Variants in LGR6 observed in about 807,000 individuals in gnomAD.
LGR6 encodes the protein leucine rich repeat containing G protein-coupled receptor 6, also known as leucine-rich repeat-containing G protein-coupled receptor 6.
A neutral mutation model predicts 69.4 loss-of-function variants in LGR6; 45 were observed. The ratio of observed to expected loss-of-function variants is 0.65; its 90% CI spans 0.51 to 0.83. The LOEUF (loss-of-function observed/expected upper bound fraction) is 0.83. LGR6 is among the 40% of genes least tolerant of loss of function. LGR6 has a pLI of 0.00. For missense variants in LGR6, 1,108 were observed against 1,246.7 expected (o/e 0.89, Z 1.68); for synonymous variants, 538 against 555.0 (o/e 0.97, Z 0.43).
chr1:202,225,967 C>T (rs1558016443), intron 2 of LGR6, among the ~76,000 whole-genome samples: 1 of 152,178 alleles, frequency 6.6e-6, no homozygotes, highest in Admixed American at 6.5e-5. Context: ...TTACTCTGCA[C>T]ACCTTCAGGA....
intron 6 of LGR6, among the ~76,000 whole-genome samples, chr1:202,288,112 C>G (rs143930770): frequency 6.6e-6 from 1 of 152,178 alleles, no homozygotes; most frequent in African/African-American, 2.4e-5. Context: ...GCACGATGGC[C>G]TCCTTGAATA....
chr1:202,230,245 T>A (rs2147971780), intron 3 of LGR6, among the ~76,000 whole-genome samples: 1 of 152,220 alleles, frequency 6.6e-6, no homozygotes, highest in South Asian at 2.1e-4. Flanking sequence ...CTCTCATGTC[T>A]TTCCCACACC....
At position 202,235,856 on chromosome 1, in the gene LGR6, G is replaced by A. The variant is rs574778783; in HGVS notation, c.357-66G>A. On this transcript the variant is annotated intron_variant, in intron 3 of 17. Coordinates refer to ENST00000367278, the MANE Select transcript of LGR6 (RefSeq NM_001017403.2). ...TTGGGACTGGGGGTTCAAGGGAGGA[G>A]TCAGCACCCTCCAGCCAGCTCTGCA... The A allele has an allele frequency of 5.8e-5, 83 of 1,440,504 alleles. No homozygotes were observed. In the South Asian group the frequency reaches 8.2e-4, roughly 14 times the overall value. The allele number at this position is 1,440,504 out of a possible 1,614,324, so 89.2% of individuals were successfully genotyped here. A position where few individuals can be genotyped will look rare whatever the true frequency, so the allele number is the denominator to read the frequency against.
chr1:202,228,952 G>A (rs2147966657), intron 3 of LGR6, among the ~76,000 whole-genome samples: 1 of 152,282 alleles, frequency 6.6e-6, no homozygotes, highest in Middle Eastern at 3.4e-3. Flanking sequence ...CAGTTGAGCA[G>A]GTTGTTCATT....
At chr1:202,205,113 C>T (rs1325209519) in intron 1 of LGR6, among the ~76,000 whole-genome samples, 1 of 112,254 alleles carries the variant, frequency 8.9e-6, no homozygotes, top group Non-Finnish European at 1.7e-5. Context: ...CAAACAAACA[C>T]ACACCTAACA....
intron 6 of LGR6, among the ~76,000 whole-genome samples, chr1:202,283,033 C>T (rs1666128267): frequency 6.6e-6 from 1 of 152,230 alleles, no homozygotes; most frequent in South Asian, 2.1e-4. Flanking sequence ...CTGTGAGTCT[C>T]CGTTTTCTAA....
intron 1 of LGR6, among the ~76,000 whole-genome samples, chr1:202,221,746 C>T (rs1160359881): frequency 6.6e-6 from 1 of 152,208 alleles, no homozygotes; most frequent in Admixed American, 6.5e-5. Context: ...CCCATGACCC[C>T]CACTTCTTGT....
chr1:202,288,236 T>C (rs1165849675), intron 6 of LGR6, among the ~76,000 whole-genome samples: 1 of 152,230 alleles, frequency 6.6e-6, no homozygotes, highest in Admixed American at 6.5e-5. Context: ...AATGTCACCT[T>C]TTAAGTATCC....
At chr1:202,254,030 C>T (rs1485155857) in intron 4 of LGR6, among the ~76,000 whole-genome samples, 1 of 151,670 alleles carries the variant, frequency 6.6e-6, no homozygotes, top group Non-Finnish European at 1.5e-5. Context: ...TGGTCTCGAT[C>T]TCCTGACCTC....
chr1:202,284,680 C>T (rs1666266180), intron 6 of LGR6, among the ~76,000 whole-genome samples: 1 of 152,156 alleles, frequency 6.6e-6, no homozygotes, highest in South Asian at 2.1e-4. Flanking sequence ...CCATGACGAG[C>T]TAGTCTAGCC....
chr1:202,318,586 C>A lies in LGR6; in HGVS notation c.2283C>A (p.Gly761=). ...AACTGTACTGTGACCTGCCGCGGGGCGACTTTGAGGCCGTGTGGGACTGCG... is the reference window on the plus strand; with the variant it reads ...AACTGTACTGTGACCTGCCGCGGGGAGACTTTGAGGCCGTGTGGGACTGCG... The part of the protein sequence containing the change: ...YIKLYCDLPR[G]DFEAVWDCAM... Residue 761 remains glycine, a synonymous_variant, in exon 18 of 18, where the codon GGC becomes GGA. Coordinates refer to ENST00000367278, the MANE Select transcript of LGR6 (RefSeq NM_001017403.2). 1 of 1,613,998 alleles carries A rather than the reference C, an allele frequency of 6.2e-7. No homozygotes were observed.
intron 6 of LGR6, among the ~76,000 whole-genome samples, chr1:202,287,097 C>T (rs986433768): frequency 6.6e-6 from 1 of 152,200 alleles, no homozygotes; most frequent in Non-Finnish European, 1.5e-5. Flanking sequence ...GGAGAGGAAA[C>T]AAAGTTCAGG....
Position 202,318,346 on chromosome 1 carries a change from C to G in LGR6, c.2043C>G (p.Pro681=), listed in dbSNP as rs747802910. The G allele has an allele frequency of 6.3e-7, 1 of 1,597,522 alleles. No homozygotes were observed. Among genetic ancestry groups the G allele is most frequent in the South Asian group, 1.1e-5 (1 of 87,894 alleles). Residue 681 remains proline, a synonymous_variant, in exon 18 of 18, where the codon CCC becomes CCG. Transcript: ENST00000367278. ...VSCVRAYGKS[P]SLGSVRAGVL... ...GTGTCCGGGCCTATGGGAAGTCCCC[C>G]TCCCTGGGCAGCGTTCGAGCAGGGG...
intron 1 of LGR6, among the ~76,000 whole-genome samples, chr1:202,198,944 CCTTT>C (rs1397699965): frequency 6.6e-6 from 1 of 152,032 alleles, no homozygotes; most frequent in African/African-American, 2.4e-5. Flanking sequence ...TCTTAGTTGC[CCTTT>C]CTAATAGATT....
At chr1:202,267,874 C>A (rs1664792289) in intron 4 of LGR6, among the ~76,000 whole-genome samples, 1 of 152,086 alleles carries the variant, frequency 6.6e-6, no homozygotes, top group Admixed American at 6.5e-5. Context: ...TAATCCAATC[C>A]TATTGAATTG....
chr1:202,313,367 G>T (rs530093649), intron 16 of LGR6, among the ~76,000 whole-genome samples: 2 of 152,212 alleles, frequency 1.3e-5, no homozygotes, highest in South Asian at 4.1e-4. Flanking sequence ...GACAAATTAT[G>T]TTCAGCTCAT....
At chr1:202,305,145 C>G (rs914526108) in intron 11 of LGR6, among the ~76,000 whole-genome samples, 3 of 152,244 alleles carry the variant, frequency 2.0e-5, no homozygotes, top group African/African-American at 4.8e-5. Flanking sequence ...GAGCCCTAGG[C>G]TGGGGGTCCG....
chr1:202,240,938 C>T lies in LGR6; in HGVS notation c.428+4945C>T, dbSNP rs192542954. 1.5e-3 allele frequency among the ~76,000 whole-genome samples: 227 copies of T among 152,304 alleles called. 4 individuals are homozygous for T. The highest frequency in any genetic ancestry group is 3.9e-4 in the East Asian group (2 of 5,178). ...ACATGAGATGTTCTACGTATATTGT[C>T]TGATTATTCCTCACAGAAACCCCTC... On this transcript the variant is annotated intron_variant, in intron 4 of 17. Transcript: ENST00000367278.
rs765287092 is a variant in LGR6 at position 202,310,394 on chromosome 1, G to A, written c.1567+37G>A. On this transcript the variant is annotated intron_variant, in intron 16 of 17. Transcript: ENST00000367278. ...GGGGCCCTGGGTTGGGGAGGGTAGT[G>A]GGCTGTGGAGAGGAAGTTAGAGGGG... 5 of 1,601,728 alleles carry A rather than the reference G, an allele frequency of 3.1e-6. No homozygotes were observed. In the Admixed American group the frequency reaches 6.8e-5, roughly 22 times the overall value.
Sources: allele counts gnomAD v4.1 joint callset (sites outside exome capture counted in the v4.1 genomes callset), GRCh38; gene constraint gnomAD v4.1.1; transcripts MANE v1.5; gene names NCBI Gene and HGNC (gene_info 2026-07-23, HGNC 2026-07-21).